Variants in SPATA12 observed in about 807,000 individuals in gnomAD.
The protein encoded by SPATA12 is spermatogenesis associated 12, also known as spermatogenesis-associated protein 12.
For synonymous variants in SPATA12, 85 were observed against 89.2 expected, an observed-to-expected ratio of 0.95 and a Z score of 0.26; for missense variants, 219 against 226.4, an observed-to-expected ratio of 0.97 and a Z score of 0.21.
At chr3:57,064,928 T>C (rs62250328) in intron 1 of SPATA12, among the ~76,000 whole-genome samples, 30,651 of 152,172 alleles carry the variant, frequency 0.2, 3,529 homozygotes, top group Middle Eastern at 0.29. Flanking sequence ...CAGTAAATTT[T>C]ACGTTATGTG....
intron 1 of SPATA12, among the ~76,000 whole-genome samples, chr3:57,070,852 G>A (rs753920694): frequency 9.9e-5 from 15 of 151,576 alleles, no homozygotes; most frequent in Non-Finnish European, 2.1e-4. Context: ...CACATCTGTA[G>A]TCCCAGCTAC....
intron 1 of SPATA12, among the ~76,000 whole-genome samples, chr3:57,067,462 A>ATAG (rs1472231634): frequency 4.1e-5 from 6 of 147,558 alleles, no homozygotes; most frequent in African/African-American, 1.5e-4. Context: ...CAAAATAATA[A>ATAG]TAATAATAAT....
intron 1 of SPATA12, among the ~76,000 whole-genome samples, chr3:57,063,095 T>C (rs1705320108): frequency 6.6e-6 from 1 of 152,042 alleles, no homozygotes; most frequent in Non-Finnish European, 1.5e-5. Flanking sequence ...CTGAAGGAAA[T>C]GAGGGACCAA....
rs189353942 is a variant in SPATA12, at chr3:57,062,487, C to T, written c.-330+1701C>T. ...GGGGGTGCTCAGGAGCATGGGGAAG[C>T]CTTTCAGAGAAGAGGGAAGGAAGCA... On this transcript the variant is annotated intron_variant, in intron 1 of 1. Coordinates refer to ENST00000334325, the MANE Select transcript of SPATA12 (RefSeq NM_181727.2). Among the ~76,000 whole-genome samples, 162 of 152,258 alleles carry T rather than the reference C, an allele frequency of 1.1e-3. 2 individuals are homozygous for T. The highest frequency in any genetic ancestry group is 2.0e-3 in the Non-Finnish European group (139 of 68,024).
intron 1 of SPATA12, among the ~76,000 whole-genome samples, chr3:57,067,778 G>C (rs1427213308): frequency 6.7e-6 from 1 of 150,274 alleles, no homozygotes; most frequent in Non-Finnish European, 1.5e-5. Context: ...TCAGGAGATC[G>C]AGACCATTGG....
In SPATA12 at chr3:57,075,402, A is replaced by G. The variant is rs1426488660; in HGVS notation, c.*1135A>G. The stretch of plus-strand genomic sequence containing the variant: ...TCGCACAGAGTAGCCCTCTCTCCCT[A>G]AATGTTTTTGAATAAATGAAATAAA... On this transcript the variant is annotated 3_prime_UTR_variant, in exon 2 of 2. Transcript: ENST00000334325. 1.2e-5 allele frequency: 2 copies of G among 167,008 alleles called. No individual in the cohort carries two copies. Among genetic ancestry groups the G allele is most frequent in the Non-Finnish European group, 1.5e-5 (1 of 68,124 alleles). The allele number at this position is 167,008 out of a possible 1,614,324, so 10.3% of individuals were successfully genotyped here. A position where few individuals can be genotyped will look rare whatever the true frequency, so the allele number is the denominator to read the frequency against.
chr3:57,062,659 T>A (rs1705292894), intron 1 of SPATA12, among the ~76,000 whole-genome samples: 1 of 152,158 alleles, frequency 6.6e-6, no homozygotes, highest in Admixed American at 6.5e-5. Context: ...CAGGAATATC[T>A]GGTGGGAATG....
Position 57,074,423 on chromosome 3 carries a change from C to G in SPATA12, c.*156C>G. The G allele has an allele frequency of 1.5e-6, 1 of 646,100 alleles. No individual in the cohort carries two copies. Among genetic ancestry groups the G allele is most frequent in the Middle Eastern group, 4.2e-4 (1 of 2,386 alleles). The allele number at this position is 646,100 out of a possible 1,614,324, so 40.0% of individuals were successfully genotyped here. ...AGATATCACTTTTTCCAAGAAGCCT[C>G]CCTGTCACACTTCCCCAATATCACA... is the stretch of plus-strand genomic sequence containing the variant. On this transcript the variant is annotated 3_prime_UTR_variant, in exon 2 of 2. Coordinates refer to ENST00000334325, the MANE Select transcript of SPATA12 (RefSeq NM_181727.2).
Position 57,074,180 on chromosome 3 carries a change from T to G in SPATA12, c.486T>G (p.Arg162=), listed in dbSNP as rs772689667. 1 of 1,613,990 alleles carries G rather than the reference T, an allele frequency of 6.2e-7. No individual in the cohort carries two copies. Among genetic ancestry groups the G allele is most frequent in the Non-Finnish European group, 8.5e-7 (1 of 1,180,032 alleles). ...AGCCCAGTAGCACAGGGTGCAGCCG[T>G]TCAAACCAACTGACATTTACTGAGG... is the stretch of plus-strand genomic sequence containing the variant. ...DAEPSSTGCS[R]SNQLTFTEGC... Residue 162 remains arginine (R), a synonymous_variant, in exon 2 of 2, where the codon CGT becomes CGG. Transcript: ENST00000334325.
In SPATA12 at chr3:57,073,473, A is replaced by G; in HGVS notation, c.-222A>G. 1.6e-6 allele frequency: 1 copy of G among 613,050 alleles called. No individual in the cohort carries two copies. Among genetic ancestry groups the G allele is most frequent in the South Asian group, 3.4e-5 (1 of 29,120 alleles). 38.0% of individuals were successfully genotyped at this position (613,050 alleles called of 1,614,324 possible). On this transcript the variant is annotated 5_prime_UTR_variant, in exon 2 of 2. Transcript: ENST00000334325. ...TCCAAGTAGTGGAAACAGCAGAAGC[A>G]AAGATGTGAACATGGGAAAACCTCT...
chr3:57,066,608 C>T (rs563418465), intron 1 of SPATA12, among the ~76,000 whole-genome samples: 1 of 152,164 alleles, frequency 6.6e-6, no homozygotes, highest in Non-Finnish European at 1.5e-5. Context: ...CAGTATTTTA[C>T]CCACTGTGAT....
Position 57,073,437 on chromosome 3 carries a change from G to A in SPATA12, c.-258G>A, listed in dbSNP as rs555089326. The A allele has an allele frequency of 2.3e-5, 10 of 441,702 alleles. No individual in the cohort carries two copies. The highest frequency in any genetic ancestry group is 1.2e-4 in the African/African-American group (6 of 50,596). 27.4% of individuals were successfully genotyped at this position (441,702 alleles called of 1,614,324 possible). ...TGGGAAGCTGTGAAAGTGGACAAGC[G>A]TGAAAGAGCTTCCAAGTAGTGGAAA... On this transcript the variant is annotated 5_prime_UTR_variant, in exon 2 of 2. It adds an upstream start codon to the 5' untranslated region. Coordinates refer to ENST00000334325, the MANE Select transcript of SPATA12 (RefSeq NM_181727.2).
chr3:57,063,846 G>C (rs1705373742), intron 1 of SPATA12, among the ~76,000 whole-genome samples: 1 of 152,218 alleles, frequency 6.6e-6, no homozygotes, highest in South Asian at 2.1e-4. Context: ...GGGCTCAAAA[G>C]AGAATGGGAT....
chr3:57,070,107 T>A (rs1212469844), intron 1 of SPATA12, among the ~76,000 whole-genome samples: 2 of 152,196 alleles, frequency 1.3e-5, no homozygotes, highest in African/African-American at 2.4e-5. Flanking sequence ...TAAAACAAGA[T>A]AAAATGGAGC....
At chr3:57,062,443 G>A (rs1159733038) in intron 1 of SPATA12, among the ~76,000 whole-genome samples, 1 of 152,200 alleles carries the variant, frequency 6.6e-6, no homozygotes, top group Non-Finnish European at 1.5e-5. Context: ...CTAGGCTCAG[G>A]AGCACGGCGG....
intron 1 of SPATA12, among the ~76,000 whole-genome samples, chr3:57,070,987 A>AG (rs1434055399): frequency 8.1e-6 from 1 of 123,122 alleles, no homozygotes; most frequent in Non-Finnish European, 1.8e-5. Flanking sequence ...AAAAAAAAAA[A>AG]GAAAGAAAGA....
At chr3:57,064,037 G>C (rs6762137) in intron 1 of SPATA12, among the ~76,000 whole-genome samples, 131,853 of 152,260 alleles carry the variant, frequency 0.87, 57,149 homozygotes, top group East Asian at 0.96. Context: ...GAGGCCCAGG[G>C]AGGGGGACTG....
At chr3:57,064,059 G>T (rs1195134392) in intron 1 of SPATA12, among the ~76,000 whole-genome samples, 2 of 152,176 alleles carry the variant, frequency 1.3e-5, no homozygotes, top group Non-Finnish European at 2.9e-5. Context: ...CTGAGCTCAG[G>T]GGCTCGAGAC....
intron 1 of SPATA12, among the ~76,000 whole-genome samples, chr3:57,067,704 A>G (rs980355162): frequency 2.0e-5 from 3 of 150,956 alleles, no homozygotes; most frequent in Non-Finnish European, 4.4e-5. Flanking sequence ...GCGTGAGACC[A>G]GGCACGGTGG....
Sources: gnomAD v4.1 joint callset for allele counts (sites outside exome capture counted in the v4.1 genomes callset) on GRCh38, gnomAD v4.1.1 for gene constraint, MANE v1.5 for transcripts, NCBI Gene and HGNC (gene_info 2026-07-23, HGNC 2026-07-21) for gene names.